Variants in PRKG1 observed in about 807,000 individuals in gnomAD.
PRKG1 encodes the protein cGMP-dependent protein kinase 1.
Under a neutral mutation model 88.1 loss-of-function variants are expected in PRKG1, and 35 were observed. The ratio of observed to expected loss-of-function variants is 0.40; its 90% confidence interval spans 0.30 to 0.53. PRKG1 has a LOEUF of 0.53. Ranked by LOEUF, PRKG1 falls within the 20% of genes least tolerant of loss-of-function variation. The pLI is 0.59. For missense variants in PRKG1, 540 were observed against 839.8 expected (o/e 0.64, Z 4.41); for synonymous variants, 303 against 292.5 (o/e 1.04, Z -0.37).
At chr10:52,128,060 G>A in intron 7 of PRKG1, 2 of 985,102 alleles carry the variant, frequency 2.0e-6, no homozygotes, top group Non-Finnish European at 2.4e-6. Flanking sequence ...ACCCCTTGTA[G>A]TAAGATTGCT....
chr10:51,514,934 G>C (rs923635795), intron 3 of PRKG1, among the ~76,000 whole-genome samples: 1 of 152,116 alleles, frequency 6.6e-6, no homozygotes, highest in African/African-American at 2.4e-5. Context: ...TTTGCTGTGA[G>C]AGGCTGTCCT....
At chr10:51,680,293 A>T (rs1047998957) in intron 3 of PRKG1, among the ~76,000 whole-genome samples, 6 of 152,158 alleles carry the variant, frequency 3.9e-5, no homozygotes, top group African/African-American at 1.4e-4. Flanking sequence ...ATAATAAAAA[A>T]AAAAAAGAAT....
Position 51,974,739 on chromosome 10 carries a change from AT to A in PRKG1, c.762+67173del, listed in dbSNP as rs577817367. 1.5e-3 allele frequency among the ~76,000 whole-genome samples: 222 copies of A among 152,156 alleles called. 1 individual carries two copies. The highest frequency in any genetic ancestry group is 4.7e-3 in the African/African-American group (196 of 41,512). ...CTTCCGCATTTGCATAATGCATATC[AT>A]TTTCTGAACCCCAAAGGAATTGGCT... On this transcript the variant is annotated intron_variant, in intron 5 of 17. Coordinates refer to ENST00000373980, the MANE Select transcript of PRKG1 (RefSeq NM_006258.4).
chr10:51,530,577 A>G (rs1344398256), intron 3 of PRKG1, among the ~76,000 whole-genome samples: 1 of 152,130 alleles, frequency 6.6e-6, no homozygotes, highest in African/African-American at 2.4e-5. Flanking sequence ...ATGAGTTTCA[A>G]CTGAGGTGAC....
chr10:51,014,540 T>TC (rs1207037699), intron 1 of PRKG1, among the ~76,000 whole-genome samples: 1 of 152,096 alleles, frequency 6.6e-6, no homozygotes, highest in Non-Finnish European at 1.5e-5. Flanking sequence ...ATTTTTTTTT[T>TC]CACACCTTAT....
chr10:51,054,269 G>A (rs1311491986), intron 1 of PRKG1, among the ~76,000 whole-genome samples: 3 of 152,102 alleles, frequency 2.0e-5, no homozygotes, highest in Non-Finnish European at 4.4e-5. Flanking sequence ...TGTTTTTAAA[G>A]TGCAATTACA....
At chr10:51,605,310 G>A (rs997238358) in intron 3 of PRKG1, among the ~76,000 whole-genome samples, 3 of 152,128 alleles carry the variant, frequency 2.0e-5, no homozygotes, top group African/African-American at 7.2e-5. Flanking sequence ...AGGAGTTCCT[G>A]TTCTCACTTA....
chr10:51,760,310 G>A (rs766816334), intron 3 of PRKG1, among the ~76,000 whole-genome samples: 3 of 152,110 alleles, frequency 2.0e-5, no homozygotes, highest in Non-Finnish European at 4.4e-5. Flanking sequence ...ATAACCCGGA[G>A]AAGTGAAGTT....
At chr10:51,111,227 G>T (rs1844972011) in intron 1 of PRKG1, among the ~76,000 whole-genome samples, 2 of 152,024 alleles carry the variant, frequency 1.3e-5, no homozygotes, top group Non-Finnish European at 2.9e-5. Flanking sequence ...AATTAGGAAA[G>T]TTACCTTGTT....
At chr10:51,620,948 A>T (rs548850506) in intron 3 of PRKG1, among the ~76,000 whole-genome samples, 1 of 149,786 alleles carries the variant, frequency 6.7e-6, no homozygotes, top group Non-Finnish European at 1.5e-5. Context: ...AGACTTATGC[A>T]TTCAACTATT....
At chr10:51,624,504 T>C (rs1839286021) in intron 3 of PRKG1, among the ~76,000 whole-genome samples, 1 of 152,246 alleles carries the variant, frequency 6.6e-6, no homozygotes, top group Non-Finnish European at 1.5e-5. Flanking sequence ...TCTTCTTTCA[T>C]ATCACTGCTT....
chr10:52,063,217 A>G (rs1330401719), intron 7 of PRKG1, among the ~76,000 whole-genome samples: 1 of 152,188 alleles, frequency 6.6e-6, no homozygotes, highest in Non-Finnish European at 1.5e-5. Context: ...GGGGCACGTG[A>G]GCGAGTGTGG....
intron 1 of PRKG1, among the ~76,000 whole-genome samples, chr10:51,088,343 T>C (rs1844306156): frequency 6.6e-6 from 1 of 152,004 alleles, no homozygotes; most frequent in Non-Finnish European, 1.5e-5. Context: ...CAATGCTTTC[T>C]GATTCTTTAT....
chr10:51,625,975 C>T (rs930523075), intron 3 of PRKG1, among the ~76,000 whole-genome samples: 6 of 152,134 alleles, frequency 3.9e-5, no homozygotes, highest in Non-Finnish European at 5.9e-5. Context: ...GCTTGAGAAC[C>T]GCTTAACACT....
chr10:51,431,562 G>T (rs139007675), intron 2 of PRKG1, among the ~76,000 whole-genome samples: 2 of 152,302 alleles, frequency 1.3e-5, no homozygotes, highest in Non-Finnish European at 2.9e-5. Context: ...CTCTGGGTTG[G>T]TTAGTTTGCA....
At chr10:51,418,380 A>C (rs1457896455) in intron 2 of PRKG1, among the ~76,000 whole-genome samples, 1 of 152,198 alleles carries the variant, frequency 6.6e-6, no homozygotes, top group African/African-American at 2.4e-5. Context: ...TAAAATGGCC[A>C]AAAATAGGCA....
chr10:52,098,527 T>C (rs1242430465), intron 7 of PRKG1, among the ~76,000 whole-genome samples: 3 of 152,064 alleles, frequency 2.0e-5, no homozygotes, highest in Admixed American at 1.3e-4. Flanking sequence ...GATGTGTAAA[T>C]AGGCCGGGCG....
chr10:51,130,681 T>C (rs1225612004), intron 1 of PRKG1, among the ~76,000 whole-genome samples: 5 of 152,066 alleles, frequency 3.3e-5, no homozygotes, highest in Non-Finnish European at 7.4e-5. Flanking sequence ...GGCAGGTGGA[T>C]CACGAGGTCA....
intron 14 of PRKG1, among the ~76,000 whole-genome samples, chr10:52,288,144 G>C (rs1842162279): frequency 6.6e-6 from 1 of 152,122 alleles, no homozygotes. Context: ...ACCAGAGTAG[G>C]CCTTTTGGAG....
Sources: gnomAD v4.1 joint callset for allele counts (sites outside exome capture counted in the v4.1 genomes callset) on GRCh38, gnomAD v4.1.1 for gene constraint, MANE v1.5 for transcripts, NCBI Gene and HGNC (gene_info 2026-07-23, HGNC 2026-07-21) for gene names.